FNDC3A: variants seen among roughly 807,000 people sequenced by gnomAD.
FNDC3A encodes the protein fibronectin type-III domain-containing protein 3A.
In FNDC3A, 32 loss-of-function variants were observed where a neutral mutation model predicts 148.9. The ratio of observed to expected loss-of-function variants is 0.21; its 90% CI spans 0.16 to 0.29. FNDC3A has a LOEUF of 0.29. FNDC3A is among the 10% of genes least tolerant of loss of function. The pLI, the probability that FNDC3A is intolerant of heterozygous loss-of-function variation, is 1.00. For synonymous variants in FNDC3A, 472 were observed against 473.6 expected (o/e 1.00, Z 0.04); for missense variants, 1,191 against 1,452.8 (o/e 0.82, Z 2.93).
chr13:48,983,902 G>A (rs531115011), intron 1 of FNDC3A, among the ~76,000 whole-genome samples: 4 of 151,866 alleles, frequency 2.6e-5, no homozygotes, highest in African/African-American at 9.7e-5. Flanking sequence ...AAATAAAGGG[G>A]GGAAATGTAT....
At chr13:49,033,270 C>G (rs1016887528) in intron 2 of FNDC3A, among the ~76,000 whole-genome samples, 2 of 152,136 alleles carry the variant, frequency 1.3e-5, no homozygotes, top group Admixed American at 1.3e-4. Context: ...GATGCTACTG[C>G]ACTTCTTTGT....
At chr13:49,055,528 A>G (rs1189723525) in intron 2 of FNDC3A, among the ~76,000 whole-genome samples, 2 of 152,096 alleles carry the variant, frequency 1.3e-5, no homozygotes, top group Non-Finnish European at 1.5e-5. Context: ...AGAAACATTT[A>G]TAATCTTTAT....
intron 2 of FNDC3A, among the ~76,000 whole-genome samples, chr13:49,010,840 C>T (rs1210522407): frequency 6.6e-6 from 1 of 152,192 alleles, no homozygotes; most frequent in Non-Finnish European, 1.5e-5. Context: ...ATATATACTT[C>T]ACTATACAAC....
chr13:49,004,141 C>CT (rs1593458651), intron 1 of FNDC3A, among the ~76,000 whole-genome samples: 1 of 151,992 alleles, frequency 6.6e-6, no homozygotes, highest in Non-Finnish European at 1.5e-5. Flanking sequence ...ATAACTAAAA[C>CT]TAAGAGGGTA....
rs545267806 is a variant in FNDC3A, at chr13:49,188,729, C to T, written c.1944+96C>T. The stretch of plus-strand genomic sequence containing the variant: ...CACTTCAAATATTGAAACATATCCA[C>T]AAATGGAGAAAAGTAACTTCTGTAA... On this transcript the variant is annotated intron_variant, in intron 17 of 25. Coordinates refer to ENST00000492622, the MANE Select transcript of FNDC3A (RefSeq NM_001079673.2). The T allele has an allele frequency of 3.9e-6, 3 of 774,088 alleles. No individual in the cohort carries two copies. The East Asian group carries it at 7.5e-5, about 19-fold the overall frequency. The allele number at this position is 774,088 out of a possible 1,614,324, so 48.0% of individuals were successfully genotyped here. A position where few individuals can be genotyped will look rare whatever the true frequency, so the allele number is the denominator to read the frequency against.
chr13:49,185,296 G>A (rs775487474), intron 14 of FNDC3A, among the ~76,000 whole-genome samples: 1 of 152,110 alleles, frequency 6.6e-6, no homozygotes, highest in Non-Finnish European at 1.5e-5. Context: ...GTTTCTGTGG[G>A]TCAGGAATTG....
chr13:49,200,738 GAAATT>G (rs1328809261), intron 23 of FNDC3A, among the ~76,000 whole-genome samples: 2 of 151,932 alleles, frequency 1.3e-5, no homozygotes, highest in African/African-American at 2.4e-5. Flanking sequence ...GGAAAATAAA[GAAATT>G]AAAACCTTTT....
intron 2 of FNDC3A, among the ~76,000 whole-genome samples, chr13:49,041,637 C>A (rs957422791): frequency 6.6e-5 from 10 of 151,980 alleles, no homozygotes; most frequent in African/African-American, 2.4e-4. Flanking sequence ...ATGGCAAAAC[C>A]CCATGTCTAC....
At chr13:49,188,685 G>T in intron 17 of FNDC3A, 52 bp downstream of exon 17, 1 of 1,146,944 alleles carries the variant, frequency 8.7e-7, no homozygotes, top group East Asian at 2.4e-5. Context: ...TGGCCAAATG[G>T]GGTAGGATCA....
rs1886186176 is a variant in FNDC3A, at chr13:49,196,973, G to A, written c.2323G>A (p.Ala775Thr). 1 of 1,607,454 alleles carries A rather than the reference G, an allele frequency of 6.2e-7. No individual in the cohort carries two copies. Among genetic ancestry groups the A allele is most frequent in the African/African-American group, 1.3e-5 (1 of 74,832 alleles). The stretch of plus-strand genomic sequence containing the variant: ...AGTGACATGTAGATCTGCAACTTGT[G>A]CACAAGTGAATTGGGAGGTATTGTA... Reference protein sequence around the residue: ...PQVTCRSATCAQVNWEVPLSN... With the variant: ...PQVTCRSATCTQVNWEVPLSN... The change falls in exon 20 of 26, where the codon GCA (alanine) becomes ACA (threonine). Residue 775 changes from alanine to threonine, a missense_variant. By Grantham distance (58) the Ala-to-Thr change is moderately conservative. This residue lies in a region of FNDC3A where 751 missense variants were observed against 944.0 expected (regional missense o/e 0.80). Transcript: ENST00000492622.
chr13:49,032,385 A>G (rs1035332802), intron 2 of FNDC3A, among the ~76,000 whole-genome samples: 2 of 152,246 alleles, frequency 1.3e-5, no homozygotes, highest in African/African-American at 4.8e-5. Context: ...ATGTCCATCA[A>G]CAGAGAAATG....
At chr13:49,122,043 C>CA (rs1205069222) in intron 4 of FNDC3A, among the ~76,000 whole-genome samples, 4 of 151,904 alleles carry the variant, frequency 2.6e-5, no homozygotes, top group African/African-American at 9.7e-5. Flanking sequence ...AGAAGTACAA[C>CA]AAAAAAAGAA....
At chr13:49,143,059 G>A (rs1336559373) in intron 7 of FNDC3A, among the ~76,000 whole-genome samples, 2 of 152,034 alleles carry the variant, frequency 1.3e-5, no homozygotes, top group South Asian at 2.1e-4. Flanking sequence ...GTAGAGATAG[G>A]GTTCCACCAT....
intron 8 of FNDC3A, among the ~76,000 whole-genome samples, chr13:49,151,573 T>TG (rs1883298413): frequency 1.3e-5 from 2 of 152,166 alleles, no homozygotes; most frequent in African/African-American, 4.8e-5. Context: ...TGTTTCTTTT[T>TG]GTTTTTTTTA....
intron 2 of FNDC3A, among the ~76,000 whole-genome samples, chr13:49,043,460 T>C (rs1566210116): frequency 6.6e-6 from 1 of 152,196 alleles, no homozygotes; most frequent in Non-Finnish European, 1.5e-5. Context: ...TTAGGTGCAG[T>C]GTTCTTTCCG....
intron 17 of FNDC3A, among the ~76,000 whole-genome samples, chr13:49,189,708 C>G (rs568528153): frequency 5.9e-5 from 9 of 152,242 alleles, no homozygotes; most frequent in East Asian, 1.9e-4. Context: ...GAAAATCTCC[C>G]TGGATTTCAG....
At chr13:48,977,595 G>A (rs1951626311) in intron 1 of FNDC3A, among the ~76,000 whole-genome samples, 1 of 152,190 alleles carries the variant, frequency 6.6e-6, no homozygotes, top group East Asian at 1.9e-4. Context: ...GTAATGAGAT[G>A]AAGTACTCAC....
chr13:49,055,612 C>T (rs1177421482), intron 2 of FNDC3A, among the ~76,000 whole-genome samples: 1 of 152,186 alleles, frequency 6.6e-6, no homozygotes, highest in Non-Finnish European at 1.5e-5. Flanking sequence ...ATAACCCAGA[C>T]ATTCCTTTCT....
chr13:49,130,285 G>A (rs1881949736), intron 4 of FNDC3A, among the ~76,000 whole-genome samples: 1 of 151,378 alleles, frequency 6.6e-6, no homozygotes, highest in South Asian at 2.1e-4. Context: ...ATTTTTCCTA[G>A]CTAGGAGTTA....
Sources: allele counts gnomAD v4.1 joint callset (sites outside exome capture counted in the v4.1 genomes callset), GRCh38; gene constraint gnomAD v4.1.1; regional missense constraint gnomAD v4.1.1; transcripts MANE v1.5; gene names NCBI Gene and HGNC (gene_info 2026-07-23, HGNC 2026-07-21).